Variants in CNOT3 observed in about 807,000 individuals in gnomAD.
CNOT3 encodes the protein CCR4-NOT transcription complex subunit 3, also known as CCR4-associated factor 3.
CNOT3 carries 2 observed loss-of-function variants against 89.4 expected under a neutral mutation model. The ratio of observed to expected loss-of-function variants is 0.02; its 90% CI spans 0.01 to 0.07. The LOEUF (loss-of-function observed/expected upper bound fraction) is 0.07. Among genes scored for constraint, CNOT3 ranks in the 10% least tolerant of loss-of-function variants. The pLI is 1.00. For missense variants in CNOT3, 664 were observed against 1,010.2 expected, an observed-to-expected ratio of 0.66 and a Z score of 4.65; for synonymous variants, 486 against 402.0, an observed-to-expected ratio of 1.21 and a Z score of -2.50.
intron 12 of CNOT3, 138 bp from the exon 13 acceptor site, chr19:54,149,422 C>T (rs1600468240): frequency 3.8e-6 from 2 of 520,568 alleles, no homozygotes; most frequent in Admixed American, 3.7e-5. Flanking sequence ...ACTTCTTTCT[C>T]CCATCTGTCT....
chr19:54,151,588 T>A lies in CNOT3; in HGVS notation c.1606-638T>A, dbSNP rs923882435. Among the ~76,000 whole-genome samples the A allele has an allele frequency of 4.6e-5, 7 of 152,264 alleles. No homozygotes were observed. In the East Asian group the frequency reaches 1.3e-3, roughly 29 times the overall value. On this transcript the variant is annotated intron_variant, in intron 13 of 17. Transcript: ENST00000221232. ...GGAGAGTCCAGCACAGGGCTGGGGTTTGGGACAGCTGCACGTGGCTGGAGG... is the reference window on the plus strand; with the variant it reads ...GGAGAGTCCAGCACAGGGCTGGGGTATGGGACAGCTGCACGTGGCTGGAGG...
chr19:54,145,853 A>G lies in CNOT3; in HGVS notation c.703+36A>G, dbSNP rs747901070. 2 of 1,609,092 alleles carry G rather than the reference A, an allele frequency of 1.2e-6. No homozygotes were observed. The highest frequency in any genetic ancestry group is 8.5e-7 in the Non-Finnish European group (1 of 1,176,280). On this transcript the variant is annotated intron_variant, in intron 8 of 17. Transcript: ENST00000221232. The surrounding 1 kb of genome is among the most constrained non-coding windows in gnomAD (Gnocchi z 5.9). ...GGGGCTGATCGTGGCACAGGAAGTG[A>G]GGGCCCAGAATGGGCTGTGTGAGCC...
chr19:54,152,544 A>T lies in CNOT3; in HGVS notation c.1822A>T (p.Thr608Ser). The T allele has an allele frequency of 1.9e-6, 3 of 1,614,046 alleles. No homozygotes were observed. The East Asian group carries it at 6.7e-5, about 36-fold the overall frequency. Residue 608 changes from threonine (T) to serine (S), a missense_variant, in exon 15 of 18, where the codon ACC becomes TCC. Transcript: ENST00000221232. ...GVCPLGPVPL[T>S]KEQLYQQAME... Reference sequence around the variant, plus strand: ...CTGTCCACTGGGCCCTGTGCCCCTCACCAAGGAGCAGCTCTATCAGCAGGC... The same window carrying T: ...CTGTCCACTGGGCCCTGTGCCCCTCTCCAAGGAGCAGCTCTATCAGCAGGC...
At chr19:54,138,723 C>G (rs891491901) in intron 1 of CNOT3, among the ~76,000 whole-genome samples, 1 of 152,234 alleles carries the variant, frequency 6.6e-6, no homozygotes, top group African/African-American at 2.4e-5. Context: ...GAAGTTTCCA[C>G]CTCTGTAGTC....
chr19:54,144,630 A>G lies in CNOT3; in HGVS notation c.483+298A>G, dbSNP rs1025623228. Among the ~76,000 whole-genome samples the G allele has an allele frequency of 2.6e-5, 4 of 152,148 alleles. No individual in the cohort carries two copies. The highest frequency in any genetic ancestry group is 9.7e-5 in the African/African-American group (4 of 41,430). On this transcript the variant is annotated intron_variant, in intron 7 of 17. Transcript: ENST00000221232. This position sits in a 1 kb window ranked among gnomAD's most constrained non-coding sequence, Gnocchi z 4.8. ...GGTGAGTGCAGGTTGAGCTTGGGCC[A>G]CAGAGTAAAAGTGAGACCTGAAGGA... is the stretch of plus-strand genomic sequence containing the variant.
At chr19:54,141,164 G>A (rs1267311194) in intron 1 of CNOT3, among the ~76,000 whole-genome samples, 1 of 152,170 alleles carries the variant, frequency 6.6e-6, no homozygotes, top group East Asian at 1.9e-4. Flanking sequence ...GGGTCAAAGA[G>A]GCTTTCCCCT....
At chr19:54,149,825 T>G in intron 13 of CNOT3, 67 bp downstream of exon 13, 11 of 1,466,990 alleles carry the variant, frequency 7.5e-6, no homozygotes, top group South Asian at 1.3e-5. Flanking sequence ...TCCAGGTCTC[T>G]AGCTGCACCC....
intron 16 of CNOT3, 181 bp downstream of exon 16, chr19:54,153,180 G>C (rs1273570260): frequency 2.6e-6 from 2 of 766,240 alleles, no homozygotes; most frequent in East Asian, 4.9e-5. Context: ...CCGCCTTCCA[G>C]CCCAGAGATG....
At position 54,149,722 on chromosome 19, in the gene CNOT3, T is replaced by A; in HGVS notation, c.1569T>A (p.Asn523Lys). The A allele has an allele frequency of 6.2e-7, 1 of 1,613,740 alleles. No individual in the cohort carries two copies. Among genetic ancestry groups the A allele is most frequent in the Non-Finnish European group, 8.5e-7 (1 of 1,179,838 alleles). The change falls in exon 13 of 18, where the codon AAT becomes AAA. Residue 523 changes from asparagine to lysine, a missense_variant. Physicochemically the swap from Asn to Lys is moderately conservative, Grantham distance 94. Transcript: ENST00000221232. ...CCAAGGCAGCCGGTGCCCTGCTCAA[T>A]GGGCCTCCACAGTTCAGCACCGCCC... ...SDAKAAGALL[N>K]GPPQFSTAPE...
chr19:54,146,991 GGA>G (rs587761346), intron 10 of CNOT3, among the ~76,000 whole-genome samples: 113 of 152,314 alleles, frequency 7.4e-4, no homozygotes, highest in African/African-American at 2.6e-3. Context: ...TTGGAAGTGA[GGA>G]GAGATGAGTC....
chr19:54,154,734 A>T lies in CNOT3; in HGVS notation c.2164-575A>T, dbSNP rs536689699. 3 of 153,408 alleles carry T rather than the reference A, an allele frequency of 2.0e-5. No homozygotes were observed. The South Asian group carries it at 6.1e-4, about 31-fold the overall frequency. The allele number at this position is 153,408 out of a possible 1,614,324, so 9.5% of individuals were successfully genotyped here. On this transcript the variant is annotated intron_variant, in intron 17 of 17. Transcript: ENST00000221232. ...TCATTTAGAACCTAGGTCCTCTCCCATTGTGTCCTCAGATGTTAACCACAG... is the reference window on the plus strand; with the variant it reads ...TCATTTAGAACCTAGGTCCTCTCCCTTTGTGTCCTCAGATGTTAACCACAG...
intron 1 of CNOT3, chr19:54,141,405 C>T (rs587719134): frequency 2.0e-5 from 3 of 152,332 alleles, no homozygotes; most frequent in Admixed American, 6.5e-5. Flanking sequence ...AAAATTCTCC[C>T]TGGGGGTAAG....
chr19:54,139,251 T>C (rs753328119), intron 1 of CNOT3, among the ~76,000 whole-genome samples: 1 of 152,074 alleles, frequency 6.6e-6, no homozygotes, highest in South Asian at 2.1e-4. Flanking sequence ...GCTTCTTCCA[T>C]CTTCACACCA....
rs1196953756 is a variant in CNOT3 at position 54,144,449 on chromosome 19, A to C, written c.483+117A>C. ...TGGGGCCTGGATTCCTCAGGCGGACAGGGCCAACAGCCGGGATTAGGGATT... is the reference window on the plus strand; with the variant it reads ...TGGGGCCTGGATTCCTCAGGCGGACCGGGCCAACAGCCGGGATTAGGGATT... On this transcript the variant is annotated intron_variant, in intron 7 of 17. Transcript: ENST00000221232. The surrounding 1 kb of genome is among the most constrained non-coding windows in gnomAD (Gnocchi z 4.8). 2.7e-6 allele frequency: 2 copies of C among 743,762 alleles called. No individual in the cohort carries two copies. Among genetic ancestry groups the C allele is most frequent in the Admixed American group, 4.5e-5 (2 of 44,848 alleles). 46.1% of individuals were successfully genotyped at this position (743,762 alleles called of 1,614,324 possible). A position where few individuals can be genotyped will look rare whatever the true frequency, so the allele number is the denominator to read the frequency against.
At chr19:54,151,075 G>A (rs2075071566) in intron 13 of CNOT3, among the ~76,000 whole-genome samples, 1 of 152,302 alleles carries the variant, frequency 6.6e-6, no homozygotes, top group South Asian at 2.1e-4. Flanking sequence ...ACAGGTGTGA[G>A]CCACCGTGCC....
chr19:54,155,451 T>G lies in CNOT3; in HGVS notation c.*44T>G. On this transcript the variant is annotated 3_prime_UTR_variant, in exon 18 of 18. Coordinates refer to ENST00000221232, the MANE Select transcript of CNOT3 (RefSeq NM_014516.4). ...CCCACCCCCTTCCCCCGCATGCTGA[T>G]CCCCCTGCCCAGGTGAGGGCCCTGC... The G allele has an allele frequency of 2.1e-5, 27 of 1,264,038 alleles. No homozygotes were observed. The highest frequency in any genetic ancestry group is 3.0e-5 in the Non-Finnish European group (27 of 892,218). The allele number at this position is 1,264,038 out of a possible 1,614,324, so 78.3% of individuals were successfully genotyped here.
intron 1 of CNOT3, among the ~76,000 whole-genome samples, chr19:54,141,148 C>T (rs1339481464): frequency 6.6e-6 from 1 of 152,216 alleles, no homozygotes; most frequent in Non-Finnish European, 1.5e-5. Flanking sequence ...CTTGTGTGAG[C>T]TCCCTGGGTC....
intron 3 of CNOT3, 42 bp downstream of exon 3, chr19:54,143,228 G>C (rs775319576): frequency 6.4e-7 from 1 of 1,573,942 alleles, no homozygotes; most frequent in African/African-American, 1.4e-5. Flanking sequence ...CTTCAGAGAG[G>C]AGGGCACAGG....
chr19:54,139,542 C>A (rs1193747754), intron 1 of CNOT3, among the ~76,000 whole-genome samples: 2 of 152,118 alleles, frequency 1.3e-5, no homozygotes, highest in African/African-American at 4.8e-5. Context: ...TGTCACCTCC[C>A]CCAGGGATAA....
Sources: allele counts gnomAD v4.1 joint callset (sites outside exome capture counted in the v4.1 genomes callset), GRCh38; gene constraint gnomAD v4.1.1; non-coding constraint Gnocchi (gnomAD v3.1); transcripts MANE v1.5; gene names NCBI Gene and HGNC (gene_info 2026-07-23, HGNC 2026-07-21).